Variants in RBFOX1 observed in about 807,000 individuals in gnomAD.
RBFOX1 encodes the protein RNA binding protein fox-1 homolog 1.
A neutral mutation model predicts 57.7 loss-of-function variants in RBFOX1; 8 were observed. The ratio of observed to expected loss-of-function variants is 0.14; its 90% CI spans 0.08 to 0.25. The LOEUF (loss-of-function observed/expected upper bound fraction) is 0.25, where lower values mean the gene tolerates loss of function less well. RBFOX1 is among the 10% of genes least tolerant of loss of function. The pLI is 1.00. For missense variants in RBFOX1, 611 were observed against 548.5 expected (o/e 1.11, Z -1.14); for synonymous variants, 326 against 222.4 (o/e 1.47, Z -4.15).
chr16:6,788,801 C>A (rs191923638), intron 3 of RBFOX1, among the ~76,000 whole-genome samples: 1 of 152,150 alleles, frequency 6.6e-6, no homozygotes, highest in East Asian at 1.9e-4. Flanking sequence ...GAGGATGCCT[C>A]TGTGATGTCA....
chr16:5,980,364 T>A (rs1250595811), intron 4 of RBFOX1, among the ~76,000 whole-genome samples: 3 of 152,142 alleles, frequency 2.0e-5, no homozygotes, highest in Non-Finnish European at 4.4e-5. Context: ...CAGGTGGGAC[T>A]GGTTGTGGTG....
At chr16:7,684,598 C>T (rs975091478) in intron 14 of RBFOX1, among the ~76,000 whole-genome samples, 12 of 145,924 alleles carry the variant, frequency 8.2e-5, no homozygotes, top group South Asian at 2.2e-4. Context: ...GTGGTTCTAA[C>T]GGGTCTTGGG....
rs563454955 is a variant in RBFOX1, at chr16:7,136,744, C to T, written c.27+84646C>T. On this transcript the variant is annotated intron_variant, in intron 4 of 15. Transcript: ENST00000550418. ...ATCTAGGGAAAATTATCGGATAGTGCTAGGCCAGAGCACAGTCATCAGGTG... is the reference window on the plus strand; with the variant it reads ...ATCTAGGGAAAATTATCGGATAGTGTTAGGCCAGAGCACAGTCATCAGGTG... Among the ~76,000 whole-genome samples the T allele has an allele frequency of 1.4e-3, 206 of 152,258 alleles. 1 individual carries two copies. In the Middle Eastern group the frequency reaches 0.024, roughly 18 times the overall value.
At chr16:5,604,013 T>C (rs1453009836), downstream of RBFOX1, among the ~76,000 whole-genome samples, 1 of 152,120 alleles carries the variant, frequency 6.6e-6, no homozygotes, top group Admixed American at 6.5e-5. Context: ...TAGTAATCAA[T>C]GGTGCCATTC....
At chr16:6,843,985 A>G (rs1462453842) in intron 3 of RBFOX1, among the ~76,000 whole-genome samples, 1 of 152,106 alleles carries the variant, frequency 6.6e-6, no homozygotes, top group Non-Finnish European at 1.5e-5. Context: ...ACAATTCACT[A>G]TTAACAAAGG....
intron 3 of RBFOX1, among the ~76,000 whole-genome samples, chr16:6,747,878 C>G (rs992634436): frequency 3.3e-5 from 5 of 152,110 alleles, no homozygotes; most frequent in Admixed American, 6.6e-5. Flanking sequence ...CAATCCATAC[C>G]TTATGGCTTC....
At chr16:5,639,828 T>C (rs1187297801) in intron 3 of RBFOX1, among the ~76,000 whole-genome samples, 2 of 152,224 alleles carry the variant, frequency 1.3e-5, no homozygotes, top group Non-Finnish European at 2.9e-5. Flanking sequence ...CTCTTTGTTA[T>C]GATTGTGAGT....
intron 3 of RBFOX1, among the ~76,000 whole-genome samples, chr16:6,883,832 C>A (rs141049503): frequency 1.4e-4 from 21 of 150,034 alleles, no homozygotes; most frequent in African/African-American, 4.4e-4. Context: ...TCTCTTTTTT[C>A]CCCCTAGGAA....
chr16:7,061,252 A>C (rs1240766180), intron 4 of RBFOX1, among the ~76,000 whole-genome samples: 1 of 151,934 alleles, frequency 6.6e-6, no homozygotes, highest in Non-Finnish European at 1.5e-5. Flanking sequence ...AAGTACATTT[A>C]AAATGTTTTT....
At chr16:7,266,111 A>G (rs1318058976) in intron 4 of RBFOX1, among the ~76,000 whole-genome samples, 1 of 151,514 alleles carries the variant, frequency 6.6e-6, no homozygotes, top group East Asian at 2.0e-4. Context: ...AGTAGCTGGG[A>G]CTACAGGCGC....
chr16:6,147,558 A>G (rs1036126025), intron 1 of RBFOX1, among the ~76,000 whole-genome samples: 7 of 152,180 alleles, frequency 4.6e-5, no homozygotes, highest in African/African-American at 1.7e-4. Flanking sequence ...AGCTACCTCA[A>G]AAACACCCAA....
At position 6,834,103 on chromosome 16, in the gene RBFOX1, C is replaced by T. The variant is rs553496467; in HGVS notation, c.-16+179453C>T. Among the ~76,000 whole-genome samples the T allele has an allele frequency of 3.7e-4, 56 of 151,916 alleles. No individual in the cohort carries two copies. The South Asian group carries it at 1.0e-2, about 27-fold the overall frequency. On this transcript the variant is annotated intron_variant, in intron 3 of 15. Coordinates refer to ENST00000550418, the MANE Select transcript of RBFOX1 (RefSeq NM_018723.4). Reference sequence around the variant, plus strand: ...TTTTTGAGGCGGAGTCTCCCTCTTTCGCCCGGGCTGGTGTGCAGTGGTGTG... The same window carrying T: ...TTTTTGAGGCGGAGTCTCCCTCTTTTGCCCGGGCTGGTGTGCAGTGGTGTG...
At chr16:7,060,931 G>A (rs1598414111) in intron 4 of RBFOX1, among the ~76,000 whole-genome samples, 1 of 152,286 alleles carries the variant, frequency 6.6e-6, no homozygotes, top group East Asian at 1.9e-4. Flanking sequence ...TCAGGGGTTA[G>A]CAGAAATCCC....
intron 3 of RBFOX1, among the ~76,000 whole-genome samples, chr16:5,823,805 A>C (rs1214477972): frequency 6.6e-6 from 1 of 152,212 alleles, no homozygotes; most frequent in African/African-American, 2.4e-5. Context: ...AATTGCAGGA[A>C]AACAAGCTCA....
At chr16:5,767,902 C>T (rs561353366) in intron 3 of RBFOX1, among the ~76,000 whole-genome samples, 1 of 151,978 alleles carries the variant, frequency 6.6e-6, no homozygotes, top group African/African-American at 2.4e-5. Flanking sequence ...GTCTCATGAC[C>T]ATACTCTTCA....
At chr16:7,013,742 C>G (rs1007170330) in intron 3 of RBFOX1, among the ~76,000 whole-genome samples, 3 of 151,870 alleles carry the variant, frequency 2.0e-5, no homozygotes, top group Non-Finnish European at 2.9e-5. Context: ...ACTGCAGCCT[C>G]AAACTCCCAG....
chr16:5,594,487 A>G (rs2047114567), intron 2 of RBFOX1, among the ~76,000 whole-genome samples: 2 of 152,220 alleles, frequency 1.3e-5, no homozygotes, highest in Non-Finnish European at 2.9e-5. Flanking sequence ...TTTTAGGGAG[A>G]CATAAGACAT....
At chr16:6,910,673 T>C (rs1234162406) in intron 3 of RBFOX1, among the ~76,000 whole-genome samples, 1 of 152,304 alleles carries the variant, frequency 6.6e-6, no homozygotes, top group African/African-American at 2.4e-5. Context: ...ACGAGGCTCG[T>C]GGCCCTTCTC....
intron 2 of RBFOX1, among the ~76,000 whole-genome samples, chr16:5,538,358 ATATT>A (rs1007844678): frequency 5.1e-4 from 78 of 152,328 alleles, no homozygotes; most frequent in African/African-American, 1.9e-3. Flanking sequence ...CTAAAAGAAA[ATATT>A]TATTTGGGAA....
Sources: gnomAD v4.1 joint callset for allele counts (sites outside exome capture counted in the v4.1 genomes callset) on GRCh38, gnomAD v4.1.1 for gene constraint, MANE v1.5 for transcripts, NCBI Gene and HGNC (gene_info 2026-07-23, HGNC 2026-07-21) for gene names.